Variants in PPEF1 observed in about 807,000 individuals in gnomAD.
The protein encoded by PPEF1 is protein phosphatase with EF-hand domain 1.
PPEF1 carries 12 observed loss-of-function variants against 53.3 expected under a neutral mutation model. The ratio of observed to expected loss-of-function variants is 0.23; its 90% CI spans 0.14 to 0.36. PPEF1 has a LOEUF of 0.36. Ranked by LOEUF, PPEF1 falls within the 10% of genes least tolerant of loss-of-function variation. The pLI, the probability that PPEF1 is intolerant of heterozygous loss-of-function variation, is 1.00. For missense variants in PPEF1, 334 were observed against 490.4 expected, an observed-to-expected ratio of 0.68 and a Z score of 3.01; for synonymous variants, 165 against 176.7, an observed-to-expected ratio of 0.93 and a Z score of 0.52.
At chrX:18,793,920 A>G (rs1167225833) in intron 10 of PPEF1, among the ~76,000 whole-genome samples, 2 of 111,426 alleles carry the variant, frequency 1.8e-5, no homozygotes, top group Non-Finnish European at 3.8e-5. Flanking sequence ...TTGGGCATGC[A>G]TACAGTTTCT....
intron 10 of PPEF1, among the ~76,000 whole-genome samples, chrX:18,791,170 G>A (rs2046318401): frequency 8.9e-6 from 1 of 111,845 alleles, no homozygotes; most frequent in African/African-American, 3.2e-5. Flanking sequence ...ATTGGGAAGT[G>A]TGAGTTCTCC....
chrX:18,801,232 A>G (rs1198605902), intron 10 of PPEF1, among the ~76,000 whole-genome samples: 1 of 111,727 alleles, frequency 9.0e-6, no homozygotes, highest in African/African-American at 3.3e-5. Flanking sequence ...AAAACTCTGC[A>G]GGTATCTGAT....
chrX:18,677,191 C>T (rs1363743558), intron 1 of PPEF1, among the ~76,000 whole-genome samples: 1 of 110,370 alleles, frequency 9.1e-6, no homozygotes, highest in Non-Finnish European at 1.9e-5. Flanking sequence ...CGCCCCCCCA[C>T]CATACCTGGC....
chrX:18,814,267 G>A (rs766916769), intron 12 of PPEF1, among the ~76,000 whole-genome samples: 17 of 111,609 alleles, frequency 1.5e-4, no homozygotes, highest in Non-Finnish European at 2.8e-4. Flanking sequence ...GGTTGATTCC[G>A]TGTTTTTGCT....
intron 3 of PPEF1, among the ~76,000 whole-genome samples, chrX:18,742,049 C>T (rs2045183044): frequency 2.7e-5 from 3 of 110,512 alleles, no homozygotes; most frequent in South Asian, 7.7e-4. Flanking sequence ...TTGCCTGCCT[C>T]GGCCTTCCAA....
chrX:18,733,964 A>C (rs971561964), intron 3 of PPEF1, among the ~76,000 whole-genome samples, 156 bp downstream of exon 3: 6 of 111,259 alleles, frequency 5.4e-5, no homozygotes, highest in African/African-American at 1.6e-4. Flanking sequence ...ACATCAGTTC[A>C]AGTGGCCTTT....
chrX:18,683,419 C>T (rs1928952211), intron 1 of PPEF1, among the ~76,000 whole-genome samples: 1 of 111,523 alleles, frequency 9.0e-6, no homozygotes, highest in Non-Finnish European at 1.9e-5. Flanking sequence ...AGTAAAAACG[C>T]ACAGTTGTAC....
At chrX:18,791,801 G>A (rs2046329393) in intron 10 of PPEF1, among the ~76,000 whole-genome samples, 1 of 112,027 alleles carries the variant, frequency 8.9e-6, no homozygotes, top group African/African-American at 3.2e-5. Context: ...CATCAAGTAT[G>A]ATATTAGCTG....
chrX:18,784,033 T>C lies in PPEF1; in HGVS notation c.897T>C (p.Arg299=). The part of the protein sequence containing the change: ...SETTDLNLLH[R]VERNKMKSVL... Reference sequence around the variant, plus strand: ...CCACAGACTTGAATTTACTCCACCGTGTAGAGAGGAACAAGGTAAGAAGTA... The same window carrying C: ...CCACAGACTTGAATTTACTCCACCGCGTAGAGAGGAACAAGGTAAGAAGTA... Residue 299 remains arginine (R), a synonymous_variant, in exon 9 of 16, where the codon CGT becomes CGC. Coordinates refer to ENST00000470157, the MANE Select transcript of PPEF1 (RefSeq NM_001377996.1). 3 of 1,198,870 alleles carry C rather than the reference T, an allele frequency of 2.5e-6. No homozygotes were observed. The highest frequency in any genetic ancestry group is 3.4e-6 in the Non-Finnish European group (3 of 890,776).
intron 8 of PPEF1, 114 bp from the exon 9 acceptor site, chrX:18,783,785 T>C (rs1339267581): frequency 1.4e-6 from 1 of 713,539 alleles, no homozygotes; most frequent in African/African-American, 2.2e-5. Flanking sequence ...TAGTGACTCC[T>C]TGCTGACTTC....
chrX:18,709,143 A>G (rs1010872481), intron 1 of PPEF1, among the ~76,000 whole-genome samples: 8 of 112,470 alleles, frequency 7.1e-5, no homozygotes, highest in Non-Finnish European at 1.5e-4. Context: ...TTGTCAAGTG[A>G]ACAACTCAGC....
chrX:18,813,205 CCT>C (rs1270826849), intron 12 of PPEF1, among the ~76,000 whole-genome samples: 1 of 109,260 alleles, frequency 9.2e-6, no homozygotes, highest in Non-Finnish European at 1.9e-5. Context: ...ATGGTGAAAC[CCT>C]GTCTCTACTA....
chrX:18,757,573 T>C, intron 4 of PPEF1, 54 bp from the exon 5 acceptor site: 1 of 938,731 alleles, frequency 1.1e-6, no homozygotes, highest in East Asian at 3.1e-5. Flanking sequence ...TTCTATACAG[T>C]CATGTCTTTC....
chrX:18,694,907 G>A (rs12843339), intron 4 of PPEF1, among the ~76,000 whole-genome samples: 53,022 of 110,896 alleles, frequency 0.48, 9,483 homozygotes, highest in African/African-American at 0.56. Flanking sequence ...TTCATCTGCC[G>A]TCTGTTATTT....
chrX:18,742,940 G>C (rs936835468), intron 3 of PPEF1, among the ~76,000 whole-genome samples: 4 of 111,978 alleles, frequency 3.6e-5, no homozygotes, highest in Non-Finnish European at 5.6e-5. Flanking sequence ...ATGATGGCTG[G>C]GTCCAAGAGG....
At chrX:18,769,160 C>T (rs955536382) in intron 6 of PPEF1, among the ~76,000 whole-genome samples, 14 of 111,772 alleles carry the variant, frequency 1.3e-4, no homozygotes, top group African/African-American at 2.9e-4. Context: ...AGCTCAGAAT[C>T]GCATCTGGGT....
At chrX:18,781,755 A>G (rs774454229) in intron 7 of PPEF1, among the ~76,000 whole-genome samples, 11 of 111,347 alleles carry the variant, frequency 9.9e-5, no homozygotes, top group African/African-American at 3.6e-4. Flanking sequence ...CTGTTATCCT[A>G]AAGCAAGGAA....
At chrX:18,677,071 C>T (rs58182505) in intron 1 of PPEF1, among the ~76,000 whole-genome samples, 1,916 of 102,856 alleles carry the variant, frequency 0.019, 56 homozygotes, top group African/African-American at 0.066. Flanking sequence ...CGGAGTCTCG[C>T]TCTGTTGCCC....
In PPEF1 at chrX:18,720,277, A is replaced by G. The variant is rs146040497; in HGVS notation, c.47-9904A>G. ...GAGACTAGTTATTAACAATTATACT[A>G]TCTTTACTTTTTCATACATTTGAAA... On this transcript the variant is annotated intron_variant, in intron 1 of 15. Coordinates refer to ENST00000470157, the MANE Select transcript of PPEF1 (RefSeq NM_001377996.1). Among the ~76,000 whole-genome samples the G allele has an allele frequency of 5.3e-3, 590 of 111,706 alleles. 5 individuals are homozygous for G. The highest frequency in any genetic ancestry group is 0.019 in the African/African-American group (577 of 30,779).
Sources: gnomAD v4.1 joint callset for allele counts (sites outside exome capture counted in the v4.1 genomes callset) on GRCh38, gnomAD v4.1.1 for gene constraint, MANE v1.5 for transcripts, NCBI Gene and HGNC (gene_info 2026-07-23, HGNC 2026-07-21) for gene names.